ACTR3C: variants seen among roughly 807,000 people sequenced by gnomAD.
The protein encoded by ACTR3C is actin-related protein 3C.
ACTR3C carries 18 observed loss-of-function variants against 26.3 expected under a neutral mutation model. That is an observed-to-expected ratio of 0.68 (90% CI 0.47 to 1.01). The LOEUF (loss-of-function observed/expected upper bound fraction) is 1.01, where lower values mean the gene tolerates loss of function less well. Ranked by LOEUF, ACTR3C falls within the 50% of genes least tolerant of loss-of-function variation. ACTR3C has a pLI of 0.00. For missense variants in ACTR3C, 184 were observed against 250.7 expected, an observed-to-expected ratio of 0.73 and a Z score of 1.80; for synonymous variants, 55 against 94.5, an observed-to-expected ratio of 0.58 and a Z score of 2.42.
In ACTR3C at chr7:150,273,326, G is replaced by A. The variant is rs528518284; in HGVS notation, c.564+11427C>T. 8.3e-3 allele frequency among the ~76,000 whole-genome samples: 1,184 copies of A among 143,418 alleles called. 22 individuals are homozygous for A. The highest frequency in any genetic ancestry group is 0.012 in the Non-Finnish European group (799 of 67,458). The allele number at this position is 143,418 out of a possible 152,430, so 94.1% of individuals were successfully genotyped here. A position where few individuals can be genotyped will look rare whatever the true frequency, so the allele number is the denominator to read the frequency against. On this transcript the variant is annotated intron_variant, in intron 6 of 7. Transcript: ENST00000683684. ...AGGGTGTCCCTTTGTCGCTAAGGCT[G>A]GAGCGCAGTGGTGCAATCACAGCTC...
the ACTR3C span, among the ~76,000 whole-genome samples, chr7:150,155,450 A>G: frequency 2.6e-5 from 4 of 152,208 alleles, no homozygotes; most frequent in Admixed American, 2.0e-4. Flanking sequence ...GGGACAGGAG[A>G]GAGTCCCACC....
chr7:150,082,105 A>C, the ACTR3C span, among the ~76,000 whole-genome samples: 1 of 152,196 alleles, frequency 6.6e-6, no homozygotes, highest in Admixed American at 6.5e-5. Flanking sequence ...AAGCCCAGAC[A>C]AGCTGGGTTG....
At chr7:149,930,338 G>A in the ACTR3C span, among the ~76,000 whole-genome samples, 3 of 152,314 alleles carry the variant, frequency 2.0e-5, no homozygotes, top group Non-Finnish European at 2.9e-5. Context: ...AAAAGGATAT[G>A]ATCTCTGCAA....
chr7:149,985,087 C>G, the ACTR3C span, among the ~76,000 whole-genome samples: 1 of 152,156 alleles, frequency 6.6e-6, no homozygotes, highest in Non-Finnish European at 1.5e-5. Flanking sequence ...CATCAAGACA[C>G]TGTGTGCAGA....
the ACTR3C span, among the ~76,000 whole-genome samples, chr7:149,945,570 G>A: frequency 6.6e-6 from 1 of 152,280 alleles, no homozygotes; most frequent in South Asian, 2.1e-4. Context: ...GGAACAGAAA[G>A]CCCGCAGCTC....
At chr7:150,292,221 C>G (rs1836325686) in intron 3 of ACTR3C, among the ~76,000 whole-genome samples, 1 of 151,912 alleles carries the variant, frequency 6.6e-6, no homozygotes, top group Non-Finnish European at 1.5e-5. Context: ...TGTAACATAA[C>G]AGAAGTAACT....
chr7:149,971,459 C>A, the ACTR3C span, among the ~76,000 whole-genome samples: 3 of 152,164 alleles, frequency 2.0e-5, no homozygotes, highest in African/African-American at 7.2e-5. Flanking sequence ...ATGTTAGGAT[C>A]CTTACACATC....
chr7:150,073,038 G>A, the ACTR3C span, among the ~76,000 whole-genome samples: 686 of 152,248 alleles, frequency 4.5e-3, 5 homozygotes, highest in African/African-American at 0.016. Context: ...ATTTAATGCC[G>A]CCCCCTCCCC....
chr7:149,887,619 A>G, the ACTR3C span, among the ~76,000 whole-genome samples: 1 of 152,226 alleles, frequency 6.6e-6, no homozygotes, highest in Admixed American at 6.5e-5. Context: ...TACTGGGCCC[A>G]GAAAAGGTGA....
At chr7:149,917,476 G>T in the ACTR3C span, among the ~76,000 whole-genome samples, 1 of 152,006 alleles carries the variant, frequency 6.6e-6, no homozygotes, top group Non-Finnish European at 1.5e-5. Context: ...TTTCAGTTCT[G>T]CAAAGTCAGG....
the ACTR3C span, among the ~76,000 whole-genome samples, chr7:150,186,419 T>G: frequency 6.6e-6 from 1 of 152,172 alleles, no homozygotes; most frequent in African/African-American, 2.4e-5. Flanking sequence ...ATCCATCCCA[T>G]GAGAAAACAT....
the ACTR3C span, among the ~76,000 whole-genome samples, chr7:150,138,585 C>T: frequency 6.6e-6 from 1 of 152,250 alleles, no homozygotes. Context: ...CTGCCTTTAT[C>T]CTGCCTCCAG....
chr7:150,006,154 G>C, the ACTR3C span, among the ~76,000 whole-genome samples: 3 of 128,596 alleles, frequency 2.3e-5, no homozygotes, highest in Non-Finnish European at 1.6e-5. Context: ...GAACCTAAAG[G>C]CTTCCCAATA....
chr7:149,961,959 G>A, the ACTR3C span, among the ~76,000 whole-genome samples: 2 of 147,186 alleles, frequency 1.4e-5, no homozygotes, highest in East Asian at 2.0e-4. Context: ...GGGCTCACAG[G>A]AAGTGTTCAC....
the ACTR3C span, among the ~76,000 whole-genome samples, chr7:150,083,216 G>C: frequency 6.6e-6 from 1 of 151,194 alleles, no homozygotes; most frequent in South Asian, 2.1e-4. Flanking sequence ...AAAGTGCTGG[G>C]ATTATAAGTG....
the ACTR3C span, chr7:150,002,907 G>T: frequency 6.6e-6 from 1 of 152,244 alleles, no homozygotes; most frequent in Non-Finnish European, 1.5e-5. Flanking sequence ...ACAGGACCCA[G>T]GGTGGGAAGG....
chr7:150,235,515 G>A, the ACTR3C span, among the ~76,000 whole-genome samples: 1 of 152,188 alleles, frequency 6.6e-6, no homozygotes, highest in Non-Finnish European at 1.5e-5. Flanking sequence ...CAAGCCTCAT[G>A]TGATAGAGGA....
At chr7:150,126,707 A>AG in the ACTR3C span, among the ~76,000 whole-genome samples, 1 of 152,232 alleles carries the variant, frequency 6.6e-6, no homozygotes, top group Non-Finnish European at 1.5e-5. Flanking sequence ...ATTCTCATAA[A>AG]GAAAGGCTTT....
chr7:150,219,556 C>A, the ACTR3C span, among the ~76,000 whole-genome samples: 2 of 141,104 alleles, frequency 1.4e-5, 1 homozygote. Context: ...GGTGGCCGGG[C>A]CCCACAGGAT....
Sources: gnomAD v4.1 joint callset for allele counts (sites outside exome capture counted in the v4.1 genomes callset) on GRCh38, gnomAD v4.1.1 for gene constraint, MANE v1.5 for transcripts, NCBI Gene and HGNC (gene_info 2026-07-23, HGNC 2026-07-21) for gene names.